Variants in EPHA6 observed in about 807,000 individuals in gnomAD.
EPHA6 encodes ephrin type-A receptor 6.
Under a neutral mutation model 112.0 loss-of-function variants are expected in EPHA6, and 50 were observed. The ratio of observed to expected loss-of-function variants is 0.45; its 90% confidence interval spans 0.36 to 0.56. The LOEUF (loss-of-function observed/expected upper bound fraction) is 0.56, where lower values mean the gene tolerates loss of function less well. Among genes scored for constraint, EPHA6 ranks in the 20% least tolerant of loss-of-function variants. EPHA6 has a pLI of 0.00. For missense variants in EPHA6, 1,280 were observed against 1,417.4 expected (o/e 0.90, Z 1.56); for synonymous variants, 529 against 490.7 (o/e 1.08, Z -1.03).
At position 97,263,979 on chromosome 3, in the gene EPHA6, A is replaced by T. The variant is rs1023597786; in HGVS notation, c.1606+19692A>T. Among the ~76,000 whole-genome samples the T allele has an allele frequency of 5.9e-5, 9 of 152,320 alleles. 1 individual carries two copies. The highest frequency in any genetic ancestry group is 3.9e-4 in the Admixed American group (6 of 15,306). On this transcript the variant is annotated intron_variant, in intron 5 of 17. Coordinates refer to ENST00000389672, the MANE Select transcript of EPHA6 (RefSeq NM_001080448.3). Reference sequence around the variant, plus strand: ...AATGAAGATTTGATAAAGATGCCAGATCTCTTTATGCGTCCCCCTAGAATC... The same window carrying T: ...AATGAAGATTTGATAAAGATGCCAGTTCTCTTTATGCGTCCCCCTAGAATC...
chr3:97,023,782 C>T (rs2044544295), intron 3 of EPHA6, among the ~76,000 whole-genome samples: 1 of 151,864 alleles, frequency 6.6e-6, no homozygotes. Flanking sequence ...TTGTAAAATT[C>T]AATTATGCAT....
chr3:96,954,854 C>T (rs372456250), intron 2 of EPHA6, among the ~76,000 whole-genome samples: 5 of 127,666 alleles, frequency 3.9e-5, no homozygotes, highest in African/African-American at 1.2e-4. Flanking sequence ...ACTGCAGTGG[C>T]GCAATCTCGG....
intron 2 of EPHA6, among the ~76,000 whole-genome samples, chr3:96,906,392 A>G (rs556880995): frequency 2.8e-4 from 43 of 152,010 alleles, no homozygotes; most frequent in African/African-American, 8.7e-4. Flanking sequence ...CTGGTTCTCA[A>G]TTTCTTTGCT....
At chr3:97,321,907 A>C (rs377294685) in intron 5 of EPHA6, among the ~76,000 whole-genome samples, 19 of 152,214 alleles carry the variant, frequency 1.2e-4, no homozygotes, top group East Asian at 1.2e-3. Flanking sequence ...CTCTTTATTC[A>C]AATGTTATTA....
intron 10 of EPHA6, among the ~76,000 whole-genome samples, chr3:97,517,760 C>T (rs2092470471): frequency 1.3e-5 from 2 of 152,048 alleles, no homozygotes; most frequent in Admixed American, 1.3e-4. Flanking sequence ...GGTGCCCCCA[C>T]CCCACACTGA....
chr3:96,858,551 A>G (rs2035828386), intron 1 of EPHA6, among the ~76,000 whole-genome samples: 1 of 152,160 alleles, frequency 6.6e-6, no homozygotes, highest in South Asian at 2.1e-4. Context: ...GTCCCAAGTC[A>G]GTGTTACCTG....
chr3:97,600,386 T>C (rs2093633411), intron 12 of EPHA6, among the ~76,000 whole-genome samples: 1 of 150,912 alleles, frequency 6.6e-6, no homozygotes, highest in Non-Finnish European at 1.5e-5. Context: ...CCATTCAGTA[T>C]GATATTGGCT....
chr3:97,455,004 C>T (rs1293828847), intron 7 of EPHA6, among the ~76,000 whole-genome samples: 1 of 151,962 alleles, frequency 6.6e-6, no homozygotes, highest in Non-Finnish European at 1.5e-5. Flanking sequence ...ACACTTTCAA[C>T]ATTGGCAGCC....
chr3:97,701,216 T>C (rs1442762632), intron 14 of EPHA6, among the ~76,000 whole-genome samples: 5 of 152,254 alleles, frequency 3.3e-5, no homozygotes, highest in Admixed American at 3.3e-4. Context: ...TGGACAGAGA[T>C]TGGTCTGAAA....
intron 3 of EPHA6, among the ~76,000 whole-genome samples, chr3:97,222,196 G>A (rs2078225615): frequency 6.6e-6 from 1 of 151,316 alleles, no homozygotes; most frequent in Admixed American, 6.6e-5. Context: ...AATCTAATAT[G>A]ATATGATCTG....
At chr3:97,252,314 C>T (rs111831806) in intron 5 of EPHA6, among the ~76,000 whole-genome samples, 1,757 of 152,218 alleles carry the variant, frequency 0.012, 23 homozygotes, top group Non-Finnish European at 0.017. Flanking sequence ...AATGGGAGAC[C>T]ACCAGTGGTC....
chr3:97,472,667 C>A (rs2107450259), intron 7 of EPHA6, among the ~76,000 whole-genome samples: 1 of 151,872 alleles, frequency 6.6e-6, no homozygotes, highest in South Asian at 2.1e-4. Context: ...AAATCTTGTT[C>A]TTTCCACTAT....
intron 4 of EPHA6, among the ~76,000 whole-genome samples, chr3:97,241,539 G>A (rs2078845627): frequency 6.6e-6 from 1 of 151,690 alleles, no homozygotes; most frequent in Admixed American, 6.6e-5. Context: ...AAAGCCCAGT[G>A]ACACATCATT....
In EPHA6 at chr3:97,174,403, G is replaced by A. The variant is rs1023505193; in HGVS notation, c.1115-51861G>A. On this transcript the variant is annotated intron_variant, in intron 3 of 17. Coordinates refer to ENST00000389672, the MANE Select transcript of EPHA6 (RefSeq NM_001080448.3). Reference sequence around the variant, plus strand: ...TTAATATACTGATTTCCTTTCTTTTGGGTATATTCTTAGCATTAGGATTGC... The same window carrying A: ...TTAATATACTGATTTCCTTTCTTTTAGGTATATTCTTAGCATTAGGATTGC... Among the ~76,000 whole-genome samples the A allele has an allele frequency of 3.3e-5, 5 of 151,912 alleles. No individual in the cohort carries two copies. In the East Asian group the frequency reaches 9.7e-4, roughly 29 times the overall value.
rs116439839 is a variant in EPHA6, at chr3:97,662,262, A to T, written c.2784+24180A>T. ...CCTGATTCCCACTTTTAAAATTTTT[A>T]GTAAATGTTAATTTAACATGTGAAA... On this transcript the variant is annotated intron_variant, in intron 14 of 17. Coordinates refer to ENST00000389672, the MANE Select transcript of EPHA6 (RefSeq NM_001080448.3). Among the ~76,000 whole-genome samples the T allele has an allele frequency of 7.8e-3, 1,183 of 152,336 alleles. 14 individuals carry two copies. Among genetic ancestry groups the T allele is most frequent in the African/African-American group, 0.026 (1,091 of 41,562 alleles).
At chr3:97,453,784 A>T (rs2107345202) in intron 7 of EPHA6, among the ~76,000 whole-genome samples, 1 of 151,830 alleles carries the variant, frequency 6.6e-6, no homozygotes, top group African/African-American at 2.4e-5. Flanking sequence ...TGTTTTAACC[A>T]TTTATAGGTA....
chr3:96,893,298 A>G (rs1314631703), intron 2 of EPHA6, among the ~76,000 whole-genome samples: 3 of 152,184 alleles, frequency 2.0e-5, no homozygotes, highest in East Asian at 1.9e-4. Flanking sequence ...TCTACTTATA[A>G]AAAAGTTTAC....
chr3:97,177,767 C>T (rs2076877449), intron 3 of EPHA6, among the ~76,000 whole-genome samples: 1 of 151,952 alleles, frequency 6.6e-6, no homozygotes, highest in Non-Finnish European at 1.5e-5. Flanking sequence ...AGTATAGCTA[C>T]TGTTGCTCCT....
intron 5 of EPHA6, among the ~76,000 whole-genome samples, chr3:97,339,872 T>C (rs2083223039): frequency 6.6e-6 from 1 of 152,076 alleles, no homozygotes. Flanking sequence ...TGGCCTTCAG[T>C]GATGTCACAG....
Sources: gnomAD v4.1 joint callset for allele counts (sites outside exome capture counted in the v4.1 genomes callset) on GRCh38, gnomAD v4.1.1 for gene constraint, MANE v1.5 for transcripts, NCBI Gene and HGNC (gene_info 2026-07-23, HGNC 2026-07-21) for gene names.